Variants in GLIPR2 observed in about 807,000 individuals in gnomAD.
The protein encoded by GLIPR2 is Golgi-associated plant pathogenesis-related protein 1.
A neutral mutation model predicts 20.4 loss-of-function variants in GLIPR2; 21 were observed. The observed-to-expected ratio is 1.03, with a 90% CI of 0.73 to 1.48. GLIPR2 has a LOEUF of 1.48. Ranked by LOEUF, GLIPR2 falls within the 40% of genes most tolerant of loss-of-function variation. The pLI is 0.00. For synonymous variants in GLIPR2, 91 were observed against 80.5 expected (o/e 1.13, Z -0.70); for missense variants, 205 against 200.1 (o/e 1.02, Z -0.15).
chr9:36,150,106 G>A (rs1825514324), intron 3 of GLIPR2, among the ~76,000 whole-genome samples: 1 of 152,212 alleles, frequency 6.6e-6, no homozygotes, highest in Non-Finnish European at 1.5e-5. Context: ...TTGGTCTGAG[G>A]AAGGACCCAG....
intron 1 of GLIPR2, among the ~76,000 whole-genome samples, chr9:36,141,071 T>C (rs1490429087): frequency 6.6e-6 from 1 of 152,242 alleles, no homozygotes; most frequent in East Asian, 1.9e-4. Context: ...CCCTGTCCGA[T>C]GGTAATAATA....
In GLIPR2 at chr9:36,148,651, G is replaced by A. The variant is rs141164771; in HGVS notation, c.226+1G>A. 3.7e-4 allele frequency: 600 copies of A among 1,605,422 alleles called. No individual in the cohort carries two copies. Among genetic ancestry groups the A allele is most frequent in the Middle Eastern group, 1.7e-4 (1 of 6,042 alleles). ...GCATGGGCATCCTATGATCAGACAG[G>A]TGGGTCGCATTTTCAGCTCCTCTCC... is the stretch of plus-strand genomic sequence containing the variant. On this transcript the variant is annotated splice_donor_variant, in intron 3 of 4. Coordinates refer to ENST00000377960, the MANE Select transcript of GLIPR2 (RefSeq NM_022343.4). LOFTEE classifies it high-confidence loss of function.
intron 1 of GLIPR2, among the ~76,000 whole-genome samples, chr9:36,146,966 C>A (rs572247270): frequency 1.3e-5 from 2 of 152,154 alleles, no homozygotes; most frequent in Admixed American, 1.3e-4. Context: ...GGGGACTCTG[C>A]GGTGGCTCTG....
At chr9:36,145,988 C>T (rs530453721) in intron 1 of GLIPR2, 2 of 152,414 alleles carry the variant, frequency 1.3e-5, no homozygotes, top group Admixed American at 1.3e-4. Context: ...CAGCCCTGGG[C>T]CTGCTGATCA....
At position 36,162,938 on chromosome 9, in the gene GLIPR2, T is replaced by A. The variant is rs2132805197; in HGVS notation, c.*416T>A. ...TTCATGCGTCGTAATCTACTTTTGG[T>A]AGATAATTAAGATTATTAAACCCTC... On this transcript the variant is annotated 3_prime_UTR_variant, in exon 5 of 5. Coordinates refer to ENST00000377960, the MANE Select transcript of GLIPR2 (RefSeq NM_022343.4). 1 of 454,570 alleles carries A rather than the reference T, an allele frequency of 2.2e-6. No homozygotes were observed. Among genetic ancestry groups the A allele is most frequent in the South Asian group, 1.6e-5 (1 of 63,166 alleles). The allele number at this position is 454,570 out of a possible 1,614,324, so 28.2% of individuals were successfully genotyped here. A position where few individuals can be genotyped will look rare whatever the true frequency, so the allele number is the denominator to read the frequency against.
intron 4 of GLIPR2, among the ~76,000 whole-genome samples, chr9:36,153,122 CA>C (rs755775246): frequency 0.47 from 41,513 of 88,544 alleles, 5,701 homozygotes; most frequent in Non-Finnish European, 0.48. Flanking sequence ...GACTCTGTCT[CA>C]AAAAAAAAAA....
chr9:36,144,973 A>C (rs1158788577), intron 1 of GLIPR2: 1 of 151,924 alleles, frequency 6.6e-6, no homozygotes, highest in Non-Finnish European at 1.5e-5. Context: ...AGGGACTAGG[A>C]CTCCCTGTTG....
chr9:36,143,123 C>T (rs142096502), intron 1 of GLIPR2, among the ~76,000 whole-genome samples: 23 of 152,242 alleles, frequency 1.5e-4, no homozygotes, highest in African/African-American at 2.6e-4. Flanking sequence ...TAGTTTTTAG[C>T]GGCCTTATAT....
chr9:36,160,622 T>G (rs549218715), intron 4 of GLIPR2, among the ~76,000 whole-genome samples: 2 of 152,176 alleles, frequency 1.3e-5, no homozygotes, highest in East Asian at 3.9e-4. Flanking sequence ...TACTCTGGTG[T>G]GTTCAAGGAA....
intron 1 of GLIPR2, among the ~76,000 whole-genome samples, chr9:36,139,273 G>T (rs1383492028): frequency 6.6e-6 from 1 of 151,964 alleles, no homozygotes; most frequent in African/African-American, 2.4e-5. Context: ...CAGAAAGCAG[G>T]TTAGAACTGG....
chr9:36,143,127 C>T (rs1825160577), intron 1 of GLIPR2, among the ~76,000 whole-genome samples: 1 of 152,126 alleles, frequency 6.6e-6, no homozygotes, highest in African/African-American at 2.4e-5. Flanking sequence ...TTTTAGCGGC[C>T]TTATATGTCC....
At chr9:36,142,890 T>G (rs1219438785) in intron 1 of GLIPR2, among the ~76,000 whole-genome samples, 1 of 151,916 alleles carries the variant, frequency 6.6e-6, no homozygotes, top group East Asian at 2.0e-4. Context: ...AAGGTGTGGT[T>G]GTGGGGCCCT....
intron 1 of GLIPR2, among the ~76,000 whole-genome samples, chr9:36,143,320 G>A (rs1458531039): frequency 6.6e-6 from 1 of 152,104 alleles, no homozygotes; most frequent in Non-Finnish European, 1.5e-5. Flanking sequence ...CTGTGCTGTT[G>A]CCTCCTCCAT....
chr9:36,142,069 T>G (rs1825115058), intron 1 of GLIPR2, among the ~76,000 whole-genome samples: 1 of 152,038 alleles, frequency 6.6e-6, no homozygotes, highest in Admixed American at 6.5e-5. Flanking sequence ...GTCCCTGATA[T>G]CCCCCTGGGG....
Position 36,158,105 on chromosome 9 carries a change from G to T in GLIPR2, c.305-4257G>T, listed in dbSNP as rs1049401131. Among the ~76,000 whole-genome samples, 5 of 152,306 alleles carry T rather than the reference G, an allele frequency of 3.3e-5. No homozygotes were observed. The East Asian group carries it at 9.6e-4, about 29-fold the overall frequency. On this transcript the variant is annotated intron_variant, in intron 4 of 4. Transcript: ENST00000377960. ...TGGGATTACAGGCGTGAGCCACTGC[G>T]CCCGACCGGGCTATGTGACTTTGGG...
At chr9:36,145,798 T>TTGGA (rs536582249) in intron 1 of GLIPR2, among the ~76,000 whole-genome samples, 4 of 152,058 alleles carry the variant, frequency 2.6e-5, no homozygotes, top group African/African-American at 7.2e-5. Flanking sequence ...TTCGAGGATG[T>TTGGA]TGGATGGATG....
chr9:36,155,569 G>A (rs182847412), intron 4 of GLIPR2, among the ~76,000 whole-genome samples: 25 of 152,246 alleles, frequency 1.6e-4, no homozygotes, highest in East Asian at 9.7e-4. Flanking sequence ...ACTCCAGGCT[G>A]GGCAACAGAG....
chr9:36,145,734 G>A (rs1825301204), intron 1 of GLIPR2, among the ~76,000 whole-genome samples: 1 of 151,992 alleles, frequency 6.6e-6, no homozygotes, highest in Admixed American at 6.6e-5. Context: ...TATAGATGAT[G>A]TTGGATGAAT....
chr9:36,149,071 A>G (rs1825470401), intron 3 of GLIPR2, among the ~76,000 whole-genome samples: 1 of 152,244 alleles, frequency 6.6e-6, no homozygotes. Flanking sequence ...CACTACCAGT[A>G]GTGCTGGTGT....
Sources: allele counts gnomAD v4.1 joint callset (sites outside exome capture counted in the v4.1 genomes callset), GRCh38; gene constraint gnomAD v4.1.1; transcripts MANE v1.5; gene names NCBI Gene and HGNC (gene_info 2026-07-23, HGNC 2026-07-21).